Variants in TP63 observed in about 807,000 individuals in gnomAD.
TP63 encodes the protein tumor protein p63, also known as tumor protein 63.
In TP63, 17 loss-of-function variants were observed where a neutral mutation model predicts 82.8. The ratio of observed to expected loss-of-function variants is 0.21; its 90% confidence interval spans 0.14 to 0.31. The LOEUF (loss-of-function observed/expected upper bound fraction) is 0.31, where lower values mean the gene tolerates loss of function less well. Ranked by LOEUF, TP63 falls within the 10% of genes least tolerant of loss-of-function variation. The pLI is 1.00. For missense variants in TP63, 648 were observed against 895.3 expected (o/e 0.72, Z 3.52); for synonymous variants, 330 against 321.7 (o/e 1.03, Z -0.28).
At chr3:189,737,595 T>A in intron 1 of TP63, 145 bp from the exon 2 acceptor site, 1 of 1,037,622 alleles carries the variant, frequency 9.6e-7, no homozygotes, top group African/African-American at 1.6e-5. Flanking sequence ...ATGCCAATTG[T>A]GCAACTTGTA....
the TP63 span, among the ~76,000 whole-genome samples, chr3:189,597,557 C>T: frequency 3.7e-4 from 56 of 152,164 alleles, no homozygotes; most frequent in Admixed American, 1.4e-3. Context: ...ATGATCAAAA[C>T]CTTAGAGAAA....
intron 3 of TP63, among the ~76,000 whole-genome samples, chr3:189,791,274 C>A (rs1725112436): frequency 6.6e-6 from 1 of 152,032 alleles, no homozygotes; most frequent in African/African-American, 2.4e-5. Context: ...TCTTGTAAGT[C>A]AAATGGGAGA....
At chr3:189,689,098 CTTTTTCTTTTTTTTTTTTTTTTT>C (rs1716694354) in intron 1 of TP63, among the ~76,000 whole-genome samples, 1 of 85,140 alleles carries the variant, frequency 1.2e-5, no homozygotes, top group African/African-American at 4.3e-5. Context: ...TCAAATCTAC[CTTTTTCTTTTTTTTTTTTTTTTT>C]TTTTTTTTTT....
At chr3:189,788,618 T>C (rs1724811126) in intron 3 of TP63, among the ~76,000 whole-genome samples, 1 of 151,924 alleles carries the variant, frequency 6.6e-6, no homozygotes, top group African/African-American at 2.4e-5. Flanking sequence ...GAAATAAATC[T>C]AACTGAATTA....
chr3:189,631,178 A>G, upstream of TP63: 2 of 930,818 alleles, frequency 2.1e-6, no homozygotes, highest in African/African-American at 1.8e-5. Context: ...AGATGCCTCC[A>G]GCTCCAAATT....
At chr3:189,772,937 G>A (rs1156241049) in intron 3 of TP63, among the ~76,000 whole-genome samples, 1 of 152,188 alleles carries the variant, frequency 6.6e-6, no homozygotes, top group East Asian at 1.9e-4. Context: ...AGCATCTGAA[G>A]GCAGCTGTAT....
intron 1 of TP63, among the ~76,000 whole-genome samples, chr3:189,691,355 A>AAAAAAAAAAAAAAAAAAAAAAAAAG (rs1553813522): frequency 1.4e-5 from 2 of 143,918 alleles, no homozygotes; most frequent in Non-Finnish European, 3.0e-5. Context: ...AAAAAAAAAA[A>AAAAAAAAAAAAAAAAAAAAAAAAAG]AAAAAGAAAA....
Position 189,894,119 on chromosome 3 carries a change from G to A in TP63, c.1747-87G>A. The A allele has an allele frequency of 2.6e-6, 4 of 1,509,594 alleles. No homozygotes were observed. The Admixed American group carries it at 5.2e-5, about 20-fold the overall frequency. The allele number at this position is 1,509,594 out of a possible 1,614,324, so 93.5% of individuals were successfully genotyped here. The stretch of plus-strand genomic sequence containing the variant: ...ATAGATTCAGATCAATTAAACCAGA[G>A]CATCAGGGAATGATAGGATGCTGTG... On this transcript the variant is annotated intron_variant, in intron 13 of 13. Transcript: ENST00000264731.
At chr3:189,891,523 A>G (rs1052660484) in intron 13 of TP63, among the ~76,000 whole-genome samples, 1 of 152,186 alleles carries the variant, frequency 6.6e-6, no homozygotes, top group Non-Finnish European at 1.5e-5. Flanking sequence ...ATCAATGGCT[A>G]TGGGGTCAAA....
intron 1 of TP63, among the ~76,000 whole-genome samples, chr3:189,725,166 G>A (rs11713337): frequency 0.61 from 92,069 of 151,926 alleles, 28,506 homozygotes; most frequent in African/African-American, 0.73. Context: ...TCAATTTTGT[G>A]TATTTAATTT....
rs114948769 is a variant in TP63, at chr3:189,823,884, C to T, written c.579+15358C>T. On this transcript the variant is annotated intron_variant, in intron 4 of 13. Coordinates refer to ENST00000264731, the MANE Select transcript of TP63 (RefSeq NM_003722.5). ...GCAGGTATACCTTTCAGCTTTCTGT[C>T]TTGCCAAATGAACATTTGTATCCTC... 1.9e-3 allele frequency among the ~76,000 whole-genome samples: 296 copies of T among 152,260 alleles called. 1 individual carries two copies. Among genetic ancestry groups the T allele is most frequent in the African/African-American group, 6.9e-3 (287 of 41,542 alleles).
chr3:189,631,284 C>T (rs140288199), upstream of TP63: 630 of 1,333,030 alleles, frequency 4.7e-4, 10 homozygotes, highest in East Asian at 0.015. Flanking sequence ...TGGTAAGAAT[C>T]GAGTGTTTAT....
intron 1 of TP63, among the ~76,000 whole-genome samples, chr3:189,670,445 C>A (rs1423466135): frequency 6.6e-6 from 1 of 151,992 alleles, no homozygotes; most frequent in East Asian, 1.9e-4. Context: ...GGAAATCATG[C>A]AAATTGTGTT....
chr3:189,686,430 C>T (rs1003481841), intron 1 of TP63, among the ~76,000 whole-genome samples: 21 of 152,122 alleles, frequency 1.4e-4, no homozygotes, highest in African/African-American at 5.1e-4. Flanking sequence ...TAAGATGTGG[C>T]ATCACAGGAT....
At position 189,875,126 on chromosome 3, in the gene TP63, T is replaced by C. The variant is rs905425169; in HGVS notation, c.1349+2131T>C. Among the ~76,000 whole-genome samples the C allele has an allele frequency of 2.6e-5, 4 of 152,088 alleles. No homozygotes were observed. The East Asian group carries it at 7.7e-4, about 29-fold the overall frequency. On this transcript the variant is annotated intron_variant, in intron 10 of 13. Coordinates refer to ENST00000264731, the MANE Select transcript of TP63 (RefSeq NM_003722.5). ...CTTTTGCAACTACTCAGCTCTGTGG[T>C]TGTAGCACAGAAACAGCCGAAGATA... is the stretch of plus-strand genomic sequence containing the variant.
At chr3:189,862,992 A>G (rs1310119680) in intron 4 of TP63, among the ~76,000 whole-genome samples, 3 of 152,252 alleles carry the variant, frequency 2.0e-5, no homozygotes, top group South Asian at 2.1e-4. Context: ...ATTTAAACAA[A>G]TACTATATTT....
chr3:189,629,013 C>A (rs1344683213), upstream of TP63, among the ~76,000 whole-genome samples: 1 of 152,018 alleles, frequency 6.6e-6, no homozygotes, highest in African/African-American at 2.4e-5. Context: ...TTTTAAATAA[C>A]AACTATTGAA....
At chr3:189,893,399 C>A (rs1721214862) in intron 13 of TP63, among the ~76,000 whole-genome samples, 1 of 152,204 alleles carries the variant, frequency 6.6e-6, no homozygotes, top group Admixed American at 6.5e-5. Context: ...TGTTTACCTA[C>A]CATTCTGCCC....
intron 10 of TP63, among the ~76,000 whole-genome samples, chr3:189,882,865 T>A (rs1224209271): frequency 2.0e-5 from 3 of 152,206 alleles, no homozygotes; most frequent in Non-Finnish European, 4.4e-5. Flanking sequence ...AGTTAAGAAC[T>A]GGGACTTGGC....
Sources: gnomAD v4.1 joint callset for allele counts (sites outside exome capture counted in the v4.1 genomes callset) on GRCh38, gnomAD v4.1.1 for gene constraint, MANE v1.5 for transcripts, NCBI Gene and HGNC (gene_info 2026-07-23, HGNC 2026-07-21) for gene names.